Variants in FBXL7 observed in about 807,000 individuals in gnomAD.
The protein encoded by FBXL7 is F-box and leucine rich repeat protein 7.
A neutral mutation model predicts 38.3 loss-of-function variants in FBXL7; 12 were observed. That is an observed-to-expected ratio of 0.31 (90% confidence interval 0.20 to 0.51). FBXL7 has a LOEUF of 0.51. Among genes scored for constraint, FBXL7 ranks in the 20% least tolerant of loss-of-function variants. FBXL7 has a pLI of 0.98. For missense variants in FBXL7, 567 were observed against 676.4 expected (o/e 0.84, Z 1.79); for synonymous variants, 297 against 300.9 (o/e 0.99, Z 0.13).
intron 2 of FBXL7, 92 bp from the exon 3 acceptor site, chr5:15,927,798 G>GACAT: frequency 4.0e-5 from 26 of 657,694 alleles, no homozygotes; most frequent in South Asian, 1.0e-4. Context: ...GAAGAAGAAA[G>GACAT]AAAAGAAAAG....
At chr5:15,580,732 G>T (rs528300990) in intron 1 of FBXL7, 1 of 985,304 alleles carries the variant, frequency 1.0e-6, no homozygotes, top group African/African-American at 1.7e-5. Flanking sequence ...TGAGCCTGAA[G>T]ATCTCACAAG....
At chr5:15,913,240 C>CT (rs71605517) in intron 2 of FBXL7, among the ~76,000 whole-genome samples, 84,483 of 144,124 alleles carry the variant, frequency 0.59, 25,441 homozygotes, top group East Asian at 0.69. Flanking sequence ...ATCATATTTT[C>CT]TTTTTTTTTT....
intron 2 of FBXL7, among the ~76,000 whole-genome samples, chr5:15,659,922 A>G (rs1179835712): frequency 6.6e-6 from 1 of 152,232 alleles, no homozygotes; most frequent in East Asian, 1.9e-4. Context: ...GAGAAACTAT[A>G]AACTTTATTT....
At chr5:15,663,748 T>A (rs1453740038) in intron 2 of FBXL7, among the ~76,000 whole-genome samples, 2 of 152,326 alleles carry the variant, frequency 1.3e-5, no homozygotes, top group East Asian at 3.9e-4. Context: ...GGTTTTTGCA[T>A]CAATGTTTAT....
chr5:15,573,695 C>T (rs984799106), intron 1 of FBXL7, among the ~76,000 whole-genome samples: 4 of 152,154 alleles, frequency 2.6e-5, no homozygotes, highest in East Asian at 1.9e-4. Context: ...AGGGAATGCT[C>T]GGGTCACTTA....
chr5:15,675,230 G>T (rs939105956), intron 2 of FBXL7, among the ~76,000 whole-genome samples: 25 of 152,170 alleles, frequency 1.6e-4, no homozygotes, highest in African/African-American at 5.5e-4. Context: ...TGCTGTAGTT[G>T]AACTTTTAGA....
intron 2 of FBXL7, among the ~76,000 whole-genome samples, chr5:15,790,527 C>T (rs999905733): frequency 6.6e-6 from 1 of 152,150 alleles, no homozygotes; most frequent in Non-Finnish European, 1.5e-5. Context: ...GCCACCCATG[C>T]CAGCATTTTT....
intron 1 of FBXL7, among the ~76,000 whole-genome samples, chr5:15,579,249 C>G (rs1414692103): frequency 2.6e-5 from 4 of 152,140 alleles, no homozygotes; most frequent in Admixed American, 1.3e-4. Context: ...TTAAGACTTA[C>G]TCCCCCAGGC....
intron 2 of FBXL7, among the ~76,000 whole-genome samples, chr5:15,849,599 C>T (rs1739031566): frequency 6.6e-6 from 1 of 152,182 alleles, no homozygotes; most frequent in African/African-American, 2.4e-5. Flanking sequence ...CACCTTCTGC[C>T]ATGAGTGTGA....
intron 2 of FBXL7, among the ~76,000 whole-genome samples, chr5:15,869,727 C>T (rs374715999): frequency 1.3e-4 from 20 of 152,248 alleles, no homozygotes; most frequent in East Asian, 3.9e-4. Context: ...TTTAAAACTA[C>T]GCCACTGAGT....
At chr5:15,701,731 G>C (rs552430873) in intron 2 of FBXL7, among the ~76,000 whole-genome samples, 62 of 152,244 alleles carry the variant, frequency 4.1e-4, no homozygotes, top group Non-Finnish European at 6.5e-4. Context: ...TGAAATTCAG[G>C]AAAGTAAGAC....
At chr5:15,732,866 A>T (rs60301242) in intron 2 of FBXL7, among the ~76,000 whole-genome samples, 76 of 152,264 alleles carry the variant, frequency 5.0e-4, no homozygotes, top group African/African-American at 1.8e-3. Context: ...CACCTTCAGG[A>T]CTTCCTCTTT....
intron 2 of FBXL7, among the ~76,000 whole-genome samples, chr5:15,889,711 T>G (rs1740823123): frequency 6.6e-6 from 1 of 152,164 alleles, no homozygotes; most frequent in African/African-American, 2.4e-5. Context: ...CTCCCTCAGG[T>G]GATTTCAACA....
At chr5:15,839,962 T>G (rs1456786043) in intron 2 of FBXL7, among the ~76,000 whole-genome samples, 1 of 152,238 alleles carries the variant, frequency 6.6e-6, no homozygotes, top group African/African-American at 2.4e-5. Flanking sequence ...GTTACAACTT[T>G]TATTTTTTTA....
intron 2 of FBXL7, among the ~76,000 whole-genome samples, chr5:15,717,064 T>G (rs1337858468): frequency 1.3e-5 from 2 of 152,226 alleles, no homozygotes; most frequent in African/African-American, 4.8e-5. Flanking sequence ...GGTATGACTT[T>G]ACCTAAACCA....
chr5:15,928,752 G>A lies in FBXL7; in HGVS notation c.739+251G>A, dbSNP rs1434815718. Among the ~76,000 whole-genome samples, 2 of 151,964 alleles carry A rather than the reference G, an allele frequency of 1.3e-5. No homozygotes were observed. The highest frequency in any genetic ancestry group is 1.5e-5 in the Non-Finnish European group (1 of 68,016). The stretch of plus-strand genomic sequence containing the variant: ...TTATACTTTAAGTTTTAGGGTACAT[G>A]TGCACAACGTGCAGGTTAGTTACAT... On this transcript the variant is annotated intron_variant, in intron 3 of 3. Coordinates refer to ENST00000504595, the MANE Select transcript of FBXL7 (RefSeq NM_012304.5). This position sits in a 1 kb window ranked among gnomAD's most constrained non-coding sequence, Gnocchi z 4.0.
intron 1 of FBXL7, among the ~76,000 whole-genome samples, chr5:15,560,558 A>G (rs1738381127): frequency 6.6e-6 from 1 of 152,152 alleles, no homozygotes; most frequent in Admixed American, 6.6e-5. Context: ...CAACTTCCCG[A>G]CCAGATAATG....
intron 2 of FBXL7, among the ~76,000 whole-genome samples, chr5:15,809,514 G>C (rs1271694168): frequency 1.3e-5 from 2 of 152,162 alleles, no homozygotes; most frequent in Non-Finnish European, 2.9e-5. Flanking sequence ...TTTTGGCACT[G>C]AGCCTAATAT....
chr5:15,793,897 T>C (rs1737344827), intron 2 of FBXL7, among the ~76,000 whole-genome samples: 1 of 152,208 alleles, frequency 6.6e-6, no homozygotes, highest in South Asian at 2.1e-4. Flanking sequence ...GCATGAAACT[T>C]TAACGACTTT....
Sources: allele counts gnomAD v4.1 joint callset (sites outside exome capture counted in the v4.1 genomes callset), GRCh38; gene constraint gnomAD v4.1.1; non-coding constraint Gnocchi (gnomAD v3.1); transcripts MANE v1.5; gene names NCBI Gene and HGNC (gene_info 2026-07-23, HGNC 2026-07-21).